CAMK1D: variants seen among roughly 807,000 people sequenced by gnomAD.
CAMK1D encodes the protein calcium/calmodulin-dependent protein kinase type 1D.
Under a neutral mutation model 47.7 loss-of-function variants are expected in CAMK1D, and 9 were observed. The observed-to-expected ratio is 0.19, with a 90% CI of 0.11 to 0.33. CAMK1D has a LOEUF of 0.33. Among genes scored for constraint, CAMK1D ranks in the 10% least tolerant of loss-of-function variants. The probability of loss-of-function intolerance (pLI) is 1.00; values close to 1 mark genes in which losing one functional copy is unlikely to be tolerated. For missense variants in CAMK1D, 291 were observed against 488.7 expected (o/e 0.60, Z 3.81); for synonymous variants, 184 against 184.9 (o/e 0.99, Z 0.04).
At chr10:12,720,179 G>C (rs5002377) in intron 3 of CAMK1D, among the ~76,000 whole-genome samples, 143,545 of 152,288 alleles carry the variant, frequency 0.94, 68,233 homozygotes, top group East Asian at 1. Context: ...CCACTCAAAC[G>C]CTTTTCCATC....
chr10:12,751,558 G>A (rs192076102), intron 3 of CAMK1D, among the ~76,000 whole-genome samples: 2 of 152,338 alleles, frequency 1.3e-5, no homozygotes, highest in East Asian at 1.9e-4. Flanking sequence ...GGTGGGACAG[G>A]AGGAGGAGCC....
chr10:12,539,220 T>C (rs575924931), intron 1 of CAMK1D, among the ~76,000 whole-genome samples: 184 of 152,352 alleles, frequency 1.2e-3, no homozygotes, highest in African/African-American at 4.2e-3. Flanking sequence ...AACGTCCCTT[T>C]AATGTAGTAA....
At chr10:12,568,077 C>CGCCCTCCCACCTTACCTGCCT (rs1837180084) in intron 2 of CAMK1D, among the ~76,000 whole-genome samples, 1 of 136,426 alleles carries the variant, frequency 7.3e-6, no homozygotes, top group Admixed American at 7.6e-5. Context: ...TAGGCCTGCC[C>CGCCCTCCCACCTTACCTGCCT]GCCCTCCCAC....
intron 1 of CAMK1D, among the ~76,000 whole-genome samples, chr10:12,456,857 GAACT>G (rs1833263340): frequency 6.6e-6 from 1 of 150,780 alleles, no homozygotes; most frequent in Non-Finnish European, 1.5e-5. Context: ...CTGGTGCCAT[GAACT>G]AACATTACGG....
chr10:12,488,032 T>C (rs1396692035), intron 1 of CAMK1D, among the ~76,000 whole-genome samples: 1 of 152,116 alleles, frequency 6.6e-6, no homozygotes, highest in African/African-American at 2.4e-5. Flanking sequence ...GGAAACCTCT[T>C]TTCCAAGCTC....
chr10:12,635,386 C>A (rs1839486514), intron 2 of CAMK1D, among the ~76,000 whole-genome samples: 1 of 152,172 alleles, frequency 6.6e-6, no homozygotes, highest in Non-Finnish European at 1.5e-5. Context: ...TGAGTCAGTG[C>A]AAAACTGTTC....
intron 3 of CAMK1D, among the ~76,000 whole-genome samples, chr10:12,729,069 G>A (rs1033954831): frequency 6.6e-6 from 1 of 152,142 alleles, no homozygotes; most frequent in African/African-American, 2.4e-5. Context: ...TTAATATTTG[G>A]CGTCATGCTG....
chr10:12,705,938 A>T (rs1833713636), intron 3 of CAMK1D, among the ~76,000 whole-genome samples: 1 of 152,216 alleles, frequency 6.6e-6, no homozygotes, highest in African/African-American at 2.4e-5. Context: ...GATGTATTAT[A>T]ATAACTTAGC....
intron 2 of CAMK1D, among the ~76,000 whole-genome samples, chr10:12,608,669 A>G (rs886244791): frequency 3.3e-5 from 5 of 152,264 alleles, no homozygotes; most frequent in African/African-American, 1.2e-4. Context: ...TTCACTGAAT[A>G]TGATAAACAA....
intron 1 of CAMK1D, among the ~76,000 whole-genome samples, chr10:12,369,491 A>T (rs1453036207): frequency 6.6e-6 from 1 of 152,198 alleles, no homozygotes; most frequent in African/African-American, 2.4e-5. Flanking sequence ...AAAGAGGGTC[A>T]TCTCATCGGG....
intron 6 of CAMK1D, among the ~76,000 whole-genome samples, chr10:12,801,631 TCTAC>T (rs1838487565): frequency 6.6e-6 from 1 of 152,154 alleles, no homozygotes; most frequent in African/African-American, 2.4e-5. Flanking sequence ...CATCTATCTA[TCTAC>T]CTATTTATCC....
At chr10:12,562,551 C>T (rs1836978631) in intron 2 of CAMK1D, among the ~76,000 whole-genome samples, 2 of 152,168 alleles carry the variant, frequency 1.3e-5, no homozygotes, top group Admixed American at 1.3e-4. Flanking sequence ...CAAACGAGCC[C>T]CCGACTTTGT....
At chr10:12,676,331 T>G (rs143240043) in intron 3 of CAMK1D, among the ~76,000 whole-genome samples, 1 of 152,158 alleles carries the variant, frequency 6.6e-6, no homozygotes, top group Admixed American at 6.5e-5. Flanking sequence ...TTCACTGACA[T>G]ATACCCCAAG....
At chr10:12,499,802 C>G (rs1050303764) in intron 1 of CAMK1D, among the ~76,000 whole-genome samples, 2 of 152,090 alleles carry the variant, frequency 1.3e-5, no homozygotes, top group Non-Finnish European at 2.9e-5. Flanking sequence ...GTGTCTCTGC[C>G]AAGCAGAGTT....
chr10:12,368,780 C>T (rs577863681), intron 1 of CAMK1D, among the ~76,000 whole-genome samples: 3 of 151,332 alleles, frequency 2.0e-5, no homozygotes, highest in South Asian at 2.1e-4. Flanking sequence ...ACACATGCTG[C>T]GATTACAGGT....
intron 3 of CAMK1D, among the ~76,000 whole-genome samples, chr10:12,716,817 GT>G (rs779242830): frequency 3.3e-5 from 5 of 152,100 alleles, no homozygotes; most frequent in Non-Finnish European, 4.4e-5. Context: ...ACTGCAATTC[GT>G]GATGGGAGTA....
chr10:12,714,202 G>A (rs1375308575), intron 3 of CAMK1D, among the ~76,000 whole-genome samples: 4 of 151,974 alleles, frequency 2.6e-5, no homozygotes, highest in East Asian at 1.9e-4. Context: ...CCTGCTGACC[G>A]ACCCCACCGT....
chr10:12,745,676 C>T (rs1835638881), intron 3 of CAMK1D, among the ~76,000 whole-genome samples: 1 of 151,342 alleles, frequency 6.6e-6, no homozygotes, highest in African/African-American at 2.4e-5. Context: ...GATCTCAGCT[C>T]ACCACAACCT....
rs146103928 is a variant in CAMK1D at position 12,824,218 on chromosome 10, C to T, written c.834-247C>T. 1.4e-3 allele frequency among the ~76,000 whole-genome samples: 207 copies of T among 152,040 alleles called. 1 individual carries two copies. Among genetic ancestry groups the T allele is most frequent in the Non-Finnish European group, 2.6e-3 (175 of 67,992 alleles). On this transcript the variant is annotated intron_variant, in intron 8 of 10. Coordinates refer to ENST00000619168, the MANE Select transcript of CAMK1D (RefSeq NM_153498.4). ...GCCGGGGAGTAGTCAACCAGGAGGG[C>T]GCTGGCGGGTCTGGGGAGGGTGCGG...
Sources: allele counts gnomAD v4.1 joint callset (sites outside exome capture counted in the v4.1 genomes callset), GRCh38; gene constraint gnomAD v4.1.1; transcripts MANE v1.5; gene names NCBI Gene and HGNC (gene_info 2026-07-23, HGNC 2026-07-21).